The following NEU3 variants were observed in gnomAD, a reference collection of about 807,000 sequenced individuals.
NEU3 encodes neuraminidase 3, also known as sialidase-3.
NEU3 carries 10 observed loss-of-function variants against 11.4 expected under a neutral mutation model. The observed-to-expected ratio is 0.88, with a 90% CI of 0.54 to 1.49. The LOEUF is 1.49. Among genes scored for constraint, NEU3 ranks in the 40% most tolerant of loss-of-function variants. The pLI is 0.00. For missense variants in NEU3, 529 were observed against 581.8 expected (o/e 0.91, Z 0.93); for synonymous variants, 212 against 228.2 (o/e 0.93, Z 0.64).
At position 74,988,960 on chromosome 11, in the gene NEU3, C is replaced by A; in HGVS notation, c.-101C>A. ...TCGACACGCTCTTCGCTTCTCGGGG[C>A]TTGTCTCCGTGTCCTCCGTCTCAGT... On this transcript the variant is annotated 5_prime_UTR_variant, in exon 1 of 3. Coordinates refer to ENST00000294064, the MANE Select transcript of NEU3 (RefSeq NM_006656.6). 2.2e-6 allele frequency: 2 copies of A among 890,716 alleles called. No individual in the cohort carries two copies. The highest frequency in any genetic ancestry group is 3.4e-4 in the Middle Eastern group (1 of 2,984). The allele number at this position is 890,716 out of a possible 1,614,324, so 55.2% of individuals were successfully genotyped here. A position where few individuals can be genotyped will look rare whatever the true frequency, so the allele number is the denominator to read the frequency against.
chr11:74,984,291 G>A (rs1948654335), upstream of NEU3, among the ~76,000 whole-genome samples: 2 of 152,140 alleles, frequency 1.3e-5, no homozygotes, highest in Admixed American at 1.3e-4. Flanking sequence ...CAGAGCAAAG[G>A]GCGCACATGC....
At chr11:74,995,455 G>A (rs1400859992) in intron 2 of NEU3, among the ~76,000 whole-genome samples, 2 of 152,134 alleles carry the variant, frequency 1.3e-5, no homozygotes. Context: ...TGGCCTGGAA[G>A]CTACAGGGTT....
At chr11:74,987,126 C>T (rs1343322476), upstream of NEU3, among the ~76,000 whole-genome samples, 1 of 152,138 alleles carries the variant, frequency 6.6e-6, no homozygotes, top group African/African-American at 2.4e-5. Context: ...ATTCATTTGG[C>T]ATTGGTCAGT....
Position 74,994,634 on chromosome 11 carries a change from T to C in NEU3, c.220T>C (p.Phe74Leu). 1.2e-6 allele frequency: 2 copies of C among 1,614,012 alleles called. No individual in the cohort carries two copies. The highest frequency in any genetic ancestry group is 1.7e-6 in the Non-Finnish European group (2 of 1,179,876). ...YIPPTHTFLAFAEKRSTRRDE... is the reference protein window; with the variant it reads ...YIPPTHTFLALAEKRSTRRDE... ...ACCCCCCACCCACACCTTCCTGGCC[T>C]TTGCAGAGAAGCGTTCTACGAGGAG... is the stretch of plus-strand genomic sequence containing the variant. The change falls in exon 2 of 3, where the codon TTT (phenylalanine) becomes CTT (leucine). Residue 74 changes from phenylalanine (F) to leucine (L), a missense_variant. Phe to Leu is a conservative substitution (Grantham distance 22). Transcript: ENST00000294064.
At chr11:75,017,827 T>G (rs747073878) in intron 3 of NEU3, among the ~76,000 whole-genome samples, 1 of 152,158 alleles carries the variant, frequency 6.6e-6, no homozygotes, top group Non-Finnish European at 1.5e-5. Context: ...TGGGGGCCTC[T>G]GGTCTTTGGG....
At chr11:75,003,905 G>T (rs1280458615) in intron 2 of NEU3, among the ~76,000 whole-genome samples, 1 of 151,820 alleles carries the variant, frequency 6.6e-6, no homozygotes, top group African/African-American at 2.4e-5. Context: ...AAAAAATTAT[G>T]GAAATCTTTC....
upstream of NEU3, among the ~76,000 whole-genome samples, chr11:74,987,028 G>T (rs927512089): frequency 6.6e-6 from 1 of 152,060 alleles, no homozygotes; most frequent in Non-Finnish European, 1.5e-5. Context: ...GAGCAATAAG[G>T]GTGTAGCTTT....
intron 2 of NEU3, among the ~76,000 whole-genome samples, chr11:74,996,520 A>G (rs1269807881): frequency 6.6e-6 from 1 of 152,182 alleles, no homozygotes; most frequent in Non-Finnish European, 1.5e-5. Flanking sequence ...TATTTCCACC[A>G]TATCTGCAGT....
intron 2 of NEU3, among the ~76,000 whole-genome samples, chr11:74,998,014 C>T (rs1012403649): frequency 6.6e-6 from 1 of 152,170 alleles, no homozygotes; most frequent in Non-Finnish European, 1.5e-5. Context: ...GGGACTCTTC[C>T]TTTCACTTGA....
At chr11:75,012,663 C>T (rs776510939), downstream of NEU3, among the ~76,000 whole-genome samples, 9 of 152,182 alleles carry the variant, frequency 5.9e-5, no homozygotes, top group Non-Finnish European at 1.3e-4. Flanking sequence ...GTTGAAGTTG[C>T]TCATTTTGTT....
At chr11:75,000,776 A>ATTT (rs1555118926) in intron 2 of NEU3, among the ~76,000 whole-genome samples, 11 of 134,528 alleles carry the variant, frequency 8.2e-5, no homozygotes, top group South Asian at 2.6e-4. Context: ...ATACCCAGCT[A>ATTT]ATTTATTTAT....
intron 2 of NEU3, among the ~76,000 whole-genome samples, chr11:75,002,841 G>A (rs924502969): frequency 2.0e-5 from 3 of 152,130 alleles, no homozygotes; most frequent in Non-Finnish European, 2.9e-5. Context: ...TATTCTTTTG[G>A]TCTGGCTTTT....
At position 75,005,647 on chromosome 11, in the gene NEU3, G is replaced by A; in HGVS notation, c.541G>A (p.Val181Ile). 6.2e-7 allele frequency: 1 copy of A among 1,614,036 alleles called. No homozygotes were observed. Among genetic ancestry groups the A allele is most frequent in the Non-Finnish European group, 8.5e-7 (1 of 1,179,886 alleles). The change falls in exon 3 of 3, where the codon GTC becomes ATC. Residue 181 changes from valine to isoleucine, a missense_variant. Coordinates refer to ENST00000294064, the MANE Select transcript of NEU3 (RefSeq NM_006656.6). Reference protein sequence around the residue: ...WSEVRDLTEEVIGSELKHWAT... With the variant: ...WSEVRDLTEEIIGSELKHWAT... Reference sequence around the variant, plus strand: ...TGAGGTGAGGGACTTGACTGAGGAGGTCATTGGCTCAGAGCTGAAGCACTG... The same window carrying A: ...TGAGGTGAGGGACTTGACTGAGGAGATCATTGGCTCAGAGCTGAAGCACTG...
chr11:74,996,047 CG>C (rs1368334442), intron 2 of NEU3, among the ~76,000 whole-genome samples: 1 of 151,850 alleles, frequency 6.6e-6, no homozygotes, highest in Non-Finnish European at 1.5e-5. Flanking sequence ...GGCAGCTACT[CG>C]GGAGGCTGAG....
In NEU3 at chr11:75,009,406, A is replaced by G. The variant is rs1025702348; in HGVS notation, c.*2914A>G. The G allele has an allele frequency of 6.6e-6, 1 of 152,268 alleles. No individual in the cohort carries two copies. The highest frequency in any genetic ancestry group is 2.4e-5 in the African/African-American group (1 of 41,448). The allele number at this position is 152,268 out of a possible 1,614,324, so 9.4% of individuals were successfully genotyped here. A position where few individuals can be genotyped will look rare whatever the true frequency, so the allele number is the denominator to read the frequency against. On this transcript the variant is annotated 3_prime_UTR_variant, in exon 3 of 3. Coordinates refer to ENST00000294064, the MANE Select transcript of NEU3 (RefSeq NM_006656.6). ...TAACTTGTCCAAGTTCCAGATGACC[A>G]ACAAAGACAGCTATAGACACTCTAA...
chr11:74,989,133 G>C lies in NEU3; in HGVS notation c.73G>C (p.Glu25Gln). The C allele has an allele frequency of 1.9e-6, 3 of 1,551,288 alleles. No homozygotes were observed. The highest frequency in any genetic ancestry group is 2.7e-5 in the African/African-American group (2 of 73,166). ...PASSSAPTETEEPGSSAEVME... is the reference protein window; with the variant it reads ...PASSSAPTETQEPGSSAEVME... Reference sequence around the variant, plus strand: ...GTCCAGCTCTGCCCCGACAGAGACGGAGGAGCCGGGGTCCAGTGCAGGTGA... The same window carrying C: ...GTCCAGCTCTGCCCCGACAGAGACGCAGGAGCCGGGGTCCAGTGCAGGTGA... Residue 25 changes from glutamate (E) to glutamine (Q), a missense_variant, in exon 1 of 3, where the codon GAG becomes CAG. Glu to Gln is a conservative substitution (Grantham distance 29, BLOSUM62 2). Transcript: ENST00000294064.
chr11:74,994,583 T>G lies in NEU3; in HGVS notation c.169T>G (p.Tyr57Asp). The G allele has an allele frequency of 6.2e-7, 1 of 1,614,012 alleles. No individual in the cohort carries two copies. Residue 57 changes from tyrosine to aspartate, a missense_variant, in exon 2 of 3, where the codon TAC (tyrosine) becomes GAC (aspartate). By Grantham distance (160) the Tyr-to-Asp change is radical (BLOSUM62 -3). Coordinates refer to ENST00000294064, the MANE Select transcript of NEU3 (RefSeq NM_006656.6). ...FRQEDDRGITYRIPALLYIPP... is the reference protein window; with the variant it reads ...FRQEDDRGITDRIPALLYIPP... ...GCAGGAAGATGACAGAGGGATTACC[T>G]ACCGGATCCCAGCCCTGCTCTACAT... is the stretch of plus-strand genomic sequence containing the variant.
upstream of NEU3, among the ~76,000 whole-genome samples, chr11:74,985,369 TGTG>T (rs1948659417): frequency 6.6e-6 from 1 of 152,208 alleles, no homozygotes; most frequent in African/African-American, 2.4e-5. Context: ...CTACCTGGAA[TGTG>T]GTGTTTATTA....
At chr11:74,985,032 T>C (rs1283129070), upstream of NEU3, among the ~76,000 whole-genome samples, 1 of 152,172 alleles carries the variant, frequency 6.6e-6, no homozygotes, top group Non-Finnish European at 1.5e-5. Flanking sequence ...ATATAGAAAT[T>C]GCTCTTTAAC....
Sources: gnomAD v4.1 joint callset for allele counts (sites outside exome capture counted in the v4.1 genomes callset) on GRCh38, gnomAD v4.1.1 for gene constraint, MANE v1.5 for transcripts, NCBI Gene and HGNC (gene_info 2026-07-23, HGNC 2026-07-21) for gene names.